The following CHIA variants were observed in gnomAD, a reference collection of about 807,000 sequenced individuals.
CHIA encodes acidic mammalian chitinase.
Under a neutral mutation model 53.5 loss-of-function variants are expected in CHIA, and 47 were observed. The ratio of observed to expected loss-of-function variants is 0.88; its 90% CI spans 0.70 to 1.12. The LOEUF (loss-of-function observed/expected upper bound fraction) is 1.12, where lower values mean the gene tolerates loss of function less well. CHIA is among the 50% of genes most tolerant of loss of function. The pLI, the probability that CHIA is intolerant of heterozygous loss-of-function variation, is 0.00. For missense variants in CHIA, 652 were observed against 592.2 expected (o/e 1.10, Z -1.05); for synonymous variants, 268 against 222.2 (o/e 1.21, Z -1.83).
chr1:111,316,329 T>C (rs947468789), intron 6 of CHIA: 3 of 155,366 alleles, frequency 1.9e-5, no homozygotes, highest in African/African-American at 2.4e-5. Flanking sequence ...GCTTTTACCA[T>C]AGAGGATAAA....
intron 1 of CHIA, among the ~76,000 whole-genome samples, chr1:111,306,085 G>T (rs112598616): frequency 6.6e-6 from 1 of 152,200 alleles, no homozygotes; most frequent in Non-Finnish European, 1.5e-5. Context: ...TTTCAAAGAT[G>T]TAAATAACTT....
intron 4 of CHIA, among the ~76,000 whole-genome samples, chr1:111,314,091 C>T (rs1156958690): frequency 6.6e-6 from 1 of 152,128 alleles, no homozygotes; most frequent in Non-Finnish European, 1.5e-5. Context: ...CCTCCCACAA[C>T]CCTTGCACTT....
chr1:111,314,452 T>G (rs906275752), intron 4 of CHIA, 88 bp from the exon 5 acceptor site: 1 of 878,920 alleles, frequency 1.1e-6, no homozygotes, highest in African/African-American at 1.7e-5. Context: ...CAAAAATATC[T>G]GACCAGATCC....
intron 1 of CHIA, among the ~76,000 whole-genome samples, chr1:111,306,017 T>A (rs1342538357): frequency 6.6e-6 from 1 of 152,218 alleles, no homozygotes; most frequent in African/African-American, 2.4e-5. Context: ...AGATCTGTAA[T>A]TTCTTAAGAT....
Position 111,296,510 on chromosome 1 carries a change from A to G in CHIA, c.-69+5560A>G, listed in dbSNP as rs1033574549. ...ACTGTTAGAAGGAAAACTAACAAAC[A>G]AAAGGAATAGCTTCCACATCAACAA... On this transcript the variant is annotated intron_variant, in intron 1 of 11. Transcript: ENST00000369740. 3.3e-5 allele frequency among the ~76,000 whole-genome samples: 5 copies of G among 152,336 alleles called. No individual in the cohort carries two copies. The East Asian group carries it at 5.8e-4, about 18-fold the overall frequency.
At position 111,319,441 on chromosome 1, in the gene CHIA, A is replaced by T; in HGVS notation, c.1150A>T (p.Lys384Ter). 6.2e-7 allele frequency: 1 copy of T among 1,614,116 alleles called. No individual in the cohort carries two copies. Among genetic ancestry groups the T allele is most frequent in the African/African-American group, 1.3e-5 (1 of 75,052 alleles). Residue 384 changes from lysine (K) to a stop codon, truncating the protein, a stop_gained, in exon 11 of 12, where the codon AAG becomes TAG. Coordinates refer to ENST00000369740, the MANE Select transcript of CHIA (RefSeq NM_201653.4). LOFTEE classifies it low-confidence loss of function (END_TRUNC). ...QGKFPLISTLKKALGLQSASC... is the reference protein window; with the variant it reads ...QGKFPLISTL Reference sequence around the variant, plus strand: ...CAAGTTTCCCCTAATCTCCACCCTGAAGAAGGCCCTCGGCCTGCAGAGTGC... The same window carrying T: ...CAAGTTTCCCCTAATCTCCACCCTGTAGAAGGCCCTCGGCCTGCAGAGTGC...
At chr1:111,292,889 G>A (rs1661112005) in intron 1 of CHIA, among the ~76,000 whole-genome samples, 1 of 152,076 alleles carries the variant, frequency 6.6e-6, no homozygotes, top group South Asian at 2.1e-4. Flanking sequence ...AATGTCTCAA[G>A]ATTCATCCAT....
At chr1:111,295,111 G>T (rs1265395955) in intron 1 of CHIA, among the ~76,000 whole-genome samples, 3 of 152,186 alleles carry the variant, frequency 2.0e-5, no homozygotes, top group Non-Finnish European at 4.4e-5. Context: ...GTGTTCATTT[G>T]TCACTAATGT....
At chr1:111,304,121 C>A (rs768937859) in intron 1 of CHIA, among the ~76,000 whole-genome samples, 1 of 152,060 alleles carries the variant, frequency 6.6e-6, no homozygotes, top group Non-Finnish European at 1.5e-5. Context: ...TATTGAAGAT[C>A]CCTTGTATGT....
At chr1:111,298,376 G>C (rs1335838408) in intron 1 of CHIA, among the ~76,000 whole-genome samples, 1 of 152,190 alleles carries the variant, frequency 6.6e-6, no homozygotes. Context: ...TAAAAGAACA[G>C]AAATCACAAC....
chr1:111,315,422 C>G lies in CHIA; in HGVS notation c.467C>G (p.Thr156Ser), dbSNP rs747158756. 4 of 1,614,004 alleles carry G rather than the reference C, an allele frequency of 2.5e-6. No individual in the cohort carries two copies. Among genetic ancestry groups the G allele is most frequent in the Non-Finnish European group, 3.4e-6 (4 of 1,179,928 alleles). Residue 156 changes from threonine to serine, a missense_variant, in exon 6 of 12, where the codon ACT (threonine) becomes AGT (serine). Coordinates refer to ENST00000369740, the MANE Select transcript of CHIA (RefSeq NM_201653.4). ...GSPPQDKHLF[T>S]VLVQEMREAF... Reference sequence around the variant, plus strand: ...CCTCCTCAGGACAAGCATCTCTTCACTGTCCTGGTGCAGGTGGGGAAGGAA... The same window carrying G: ...CCTCCTCAGGACAAGCATCTCTTCAGTGTCCTGGTGCAGGTGGGGAAGGAA...
At chr1:111,299,083 G>A (rs573980146) in intron 1 of CHIA, among the ~76,000 whole-genome samples, 1 of 152,264 alleles carries the variant, frequency 6.6e-6, no homozygotes, top group African/African-American at 2.4e-5. Flanking sequence ...CTCTGAAGTT[G>A]AGGCAATAAT....
chr1:111,294,105 A>C (rs961368037), intron 1 of CHIA, among the ~76,000 whole-genome samples: 3 of 152,118 alleles, frequency 2.0e-5, no homozygotes, highest in Admixed American at 2.0e-4. Flanking sequence ...AACAAAGAAA[A>C]CATCACTGGG....
intron 1 of CHIA, among the ~76,000 whole-genome samples, chr1:111,309,202 C>A (rs1648466176): frequency 6.6e-6 from 1 of 152,190 alleles, no homozygotes; most frequent in Admixed American, 6.5e-5. Context: ...TTTTTCCTGG[C>A]AGCACTTCTA....
intron 1 of CHIA, among the ~76,000 whole-genome samples, chr1:111,307,759 A>T (rs1482403647): frequency 6.6e-6 from 1 of 151,136 alleles, no homozygotes; most frequent in African/African-American, 2.4e-5. Flanking sequence ...CTCCTGCCTT[A>T]GCCTCCCAAG....
At chr1:111,303,289 TTAATTA>T (rs1180591906) in intron 1 of CHIA, among the ~76,000 whole-genome samples, 1 of 152,124 alleles carries the variant, frequency 6.6e-6, no homozygotes, top group African/African-American at 2.4e-5. Flanking sequence ...TTCTGTCATT[TTAATTA>T]TTTGTTTCCT....
rs751320088 is a variant in CHIA, at chr1:111,319,086, AT to A, written c.916-31del. ...CATGTTTTTCTTTAATGGGAGTAAC[AT>A]TTAATAGATTTGAATCTCTTGACTT... On this transcript the variant is annotated intron_variant, in intron 9 of 11. Transcript: ENST00000369740. 11 of 1,597,808 alleles carry A rather than the reference AT, an allele frequency of 6.9e-6. No individual in the cohort carries two copies. In the East Asian group the frequency reaches 2.2e-4, roughly 32 times the overall value.
At chr1:111,310,313 G>A in intron 1 of CHIA, 87 bp from the exon 2 acceptor site, 14 of 1,449,430 alleles carry the variant, frequency 9.7e-6, no homozygotes, top group Non-Finnish European at 1.3e-5. Flanking sequence ...TAGGTTGAAG[G>A]TCTTGGGAGG....
At chr1:111,299,087 C>T (rs889462872) in intron 1 of CHIA, among the ~76,000 whole-genome samples, 5 of 152,148 alleles carry the variant, frequency 3.3e-5, no homozygotes, top group African/African-American at 1.2e-4. Context: ...GAAGTTGAGG[C>T]AATAATTAAG....
Sources: gnomAD v4.1 joint callset for allele counts (sites outside exome capture counted in the v4.1 genomes callset) on GRCh38, gnomAD v4.1.1 for gene constraint, MANE v1.5 for transcripts, NCBI Gene and HGNC (gene_info 2026-07-23, HGNC 2026-07-21) for gene names.